Variants in ATP6V1C1 observed in about 807,000 individuals in gnomAD.
The protein encoded by ATP6V1C1 is ATPase H+ transporting V1 subunit C1, also known as V-type proton ATPase subunit C 1.
A neutral mutation model predicts 53.9 loss-of-function variants in ATP6V1C1; 45 were observed. The observed-to-expected ratio is 0.83, with a 90% CI of 0.66 to 1.07. ATP6V1C1 has a LOEUF of 1.07. ATP6V1C1 is among the 50% of genes least tolerant of loss of function. The probability of loss-of-function intolerance (pLI) is 0.00; values close to 1 mark genes in which losing one functional copy is unlikely to be tolerated. For synonymous variants in ATP6V1C1, 153 were observed against 155.2 expected (o/e 0.99, Z 0.11); for missense variants, 315 against 440.3 (o/e 0.72, Z 2.55).
In ATP6V1C1 at chr8:103,048,867, C is replaced by T. The variant is rs1817150481; in HGVS notation, c.201-3C>T. Reference sequence around the variant, plus strand: ...ATGGTTGTTGATATTTTTTCTTCCCCAGAGTGGTTAAGAAAGTAGCTCAAT... The same window carrying T: ...ATGGTTGTTGATATTTTTTCTTCCCTAGAGTGGTTAAGAAAGTAGCTCAAT... On this transcript the variant is annotated splice_region_variant and splice_polypyrimidine_tract_variant and intron_variant, in intron 3 of 12. Coordinates refer to ENST00000518738, the MANE Select transcript of ATP6V1C1 (RefSeq NM_001695.5). 2.5e-6 allele frequency: 4 copies of T among 1,611,094 alleles called. No individual in the cohort carries two copies. The highest frequency in any genetic ancestry group is 1.7e-5 in the Admixed American group (1 of 59,750).
chr8:103,040,646 G>A (rs1372845511), intron 1 of ATP6V1C1, among the ~76,000 whole-genome samples, 152 bp from the exon 2 acceptor site: 1 of 152,070 alleles, frequency 6.6e-6, no homozygotes. Context: ...GATTTATTTC[G>A]AGGTAGGTAA....
At chr8:103,042,852 G>A (rs1336711012) in intron 3 of ATP6V1C1, among the ~76,000 whole-genome samples, 6 of 152,118 alleles carry the variant, frequency 3.9e-5, no homozygotes, top group Non-Finnish European at 7.4e-5. Flanking sequence ...AATACAATAC[G>A]TGGTCTTTTG....
chr8:103,061,579 A>G lies in ATP6V1C1; in HGVS notation c.642-1376A>G, dbSNP rs557419429. On this transcript the variant is annotated intron_variant, in intron 8 of 12. Coordinates refer to ENST00000518738, the MANE Select transcript of ATP6V1C1 (RefSeq NM_001695.5). Reference sequence around the variant, plus strand: ...AAGAAAACAACCAACAAAAGGGCACAAGGACCCTTTTGGTAGTGAGGGGTA... The same window carrying G: ...AAGAAAACAACCAACAAAAGGGCACGAGGACCCTTTTGGTAGTGAGGGGTA... Among the ~76,000 whole-genome samples, 7 of 152,306 alleles carry G rather than the reference A, an allele frequency of 4.6e-5. No individual in the cohort carries two copies. In the South Asian group the frequency reaches 1.5e-3, roughly 32 times the overall value.
intron 5 of ATP6V1C1, among the ~76,000 whole-genome samples, chr8:103,051,739 G>A (rs2131395954): frequency 1.3e-5 from 2 of 152,058 alleles, no homozygotes; most frequent in Admixed American, 1.3e-4. Context: ...CCTAGAACTT[G>A]AGAGGAAAAA....
At chr8:103,051,212 C>T in intron 5 of ATP6V1C1, 68 bp downstream of exon 5, 1 of 1,157,812 alleles carries the variant, frequency 8.6e-7, no homozygotes, top group Non-Finnish European at 1.2e-6. Flanking sequence ...TATAATTTCA[C>T]TATGAAATAC....
chr8:103,022,567 G>C (rs1259239901), intron 1 of ATP6V1C1, among the ~76,000 whole-genome samples: 1 of 152,110 alleles, frequency 6.6e-6, no homozygotes, highest in Non-Finnish European at 1.5e-5. Context: ...AATAACAGTG[G>C]TATGAAAGAG....
In ATP6V1C1 at chr8:103,071,743, A is replaced by C. The variant is rs914137597; in HGVS notation, c.*2996A>C. 4 of 154,096 alleles carry C rather than the reference A, an allele frequency of 2.6e-5. No homozygotes were observed. In the Admixed American group the frequency reaches 2.6e-4, roughly 10 times the overall value. 9.5% of individuals were successfully genotyped at this position (154,096 alleles called of 1,614,324 possible). A position where few individuals can be genotyped will look rare whatever the true frequency, so the allele number is the denominator to read the frequency against. Reference sequence around the variant, plus strand: ...AGCAATCCTCCCACCTCAGCCCCCAAGTAGCTGGGCCTACAGGTGCGTGCT... The same window carrying C: ...AGCAATCCTCCCACCTCAGCCCCCACGTAGCTGGGCCTACAGGTGCGTGCT... On this transcript the variant is annotated 3_prime_UTR_variant, in exon 13 of 13. Transcript: ENST00000518738.
chr8:103,044,126 C>T (rs1028644866), intron 3 of ATP6V1C1, among the ~76,000 whole-genome samples: 6 of 152,146 alleles, frequency 3.9e-5, no homozygotes, highest in Non-Finnish European at 8.8e-5. Context: ...TGACATGATG[C>T]GCGTGCCTCA....
chr8:103,062,593 A>G (rs756368163), intron 8 of ATP6V1C1, among the ~76,000 whole-genome samples: 1 of 152,198 alleles, frequency 6.6e-6, no homozygotes, highest in Non-Finnish European at 1.5e-5. Flanking sequence ...AAAGGAAGAA[A>G]GAATTAGGCT....
intron 1 of ATP6V1C1, among the ~76,000 whole-genome samples, chr8:103,035,190 C>T (rs1394108731): frequency 6.6e-6 from 1 of 152,100 alleles, no homozygotes; most frequent in Non-Finnish European, 1.5e-5. Context: ...ACTTAGGAAC[C>T]TGCAACTCTA....
intron 12 of ATP6V1C1, 41 bp from the exon 13 acceptor site, chr8:103,068,611 C>G: frequency 6.8e-7 from 1 of 1,462,952 alleles, no homozygotes. Flanking sequence ...TTTTTGAGTT[C>G]TGTAAATACA....
Position 103,026,368 on chromosome 8 carries a change from TA to T in ATP6V1C1, c.-40+5147del, listed in dbSNP as rs559427180. 3.2e-3 allele frequency among the ~76,000 whole-genome samples: 489 copies of T among 152,360 alleles called. 2 individuals carry two copies. The highest frequency in any genetic ancestry group is 0.011 in the African/African-American group (468 of 41,580). On this transcript the variant is annotated intron_variant, in intron 1 of 12. Coordinates refer to ENST00000518738, the MANE Select transcript of ATP6V1C1 (RefSeq NM_001695.5). ...TGTGGAATAAAAAAATTGTAGTTGA[TA>T]AAATGAGTCTAATAAAGATTAAATT...
intron 11 of ATP6V1C1, among the ~76,000 whole-genome samples, chr8:103,066,006 C>T (rs1040146103): frequency 2.0e-5 from 3 of 151,924 alleles, no homozygotes; most frequent in South Asian, 2.1e-4. Context: ...TGCACCACTG[C>T]ACTCCAGCCT....
At chr8:103,059,193 A>G (rs928092476) in intron 8 of ATP6V1C1, among the ~76,000 whole-genome samples, 1 of 152,112 alleles carries the variant, frequency 6.6e-6, no homozygotes, top group East Asian at 1.9e-4. Context: ...CACTGTCCAG[A>G]AGTTTCTCTA....
intron 3 of ATP6V1C1, among the ~76,000 whole-genome samples, chr8:103,044,674 C>CT (rs35353838): frequency 0.041 from 5,502 of 132,676 alleles, 121 homozygotes; most frequent in East Asian, 0.048. Context: ...AATTCTCCAA[C>CT]TTTTTTTTTT....
intron 12 of ATP6V1C1, 30 bp from the exon 13 acceptor site, chr8:103,068,622 A>G: frequency 1.3e-6 from 2 of 1,515,426 alleles, no homozygotes; most frequent in Non-Finnish European, 9.0e-7. Flanking sequence ...TGTAAATACA[A>G]AATTGAATAA....
chr8:103,023,909 G>C (rs77143948), intron 1 of ATP6V1C1, among the ~76,000 whole-genome samples: 3 of 151,560 alleles, frequency 2.0e-5, no homozygotes, highest in Non-Finnish European at 2.9e-5. Flanking sequence ...TTTTTTTGGG[G>C]GGGGGGAACT....
intron 8 of ATP6V1C1, among the ~76,000 whole-genome samples, chr8:103,062,161 GTTTTT>G (rs767825523): frequency 7.1e-5 from 5 of 70,744 alleles, no homozygotes; most frequent in African/African-American, 1.8e-4. Context: ...GTTCATCAGG[GTTTTT>G]TTTTTTTTTT....
chr8:103,027,641 G>GT (rs1816721508), intron 1 of ATP6V1C1, among the ~76,000 whole-genome samples: 2 of 150,528 alleles, frequency 1.3e-5, no homozygotes, highest in Admixed American at 1.3e-4. Flanking sequence ...TTGGATCTAG[G>GT]GTTTTTTTTT....
Sources: allele counts gnomAD v4.1 joint callset (sites outside exome capture counted in the v4.1 genomes callset), GRCh38; gene constraint gnomAD v4.1.1; transcripts MANE v1.5; gene names NCBI Gene and HGNC (gene_info 2026-07-23, HGNC 2026-07-21).